Variants in TMEM156 observed in about 807,000 individuals in gnomAD.
TMEM156 encodes the protein transmembrane protein 156.
TMEM156 carries 28 observed loss-of-function variants against 30.5 expected under a neutral mutation model. The observed-to-expected ratio is 0.92, with a 90% CI of 0.68 to 1.26. The LOEUF is 1.26. TMEM156 is among the 50% of genes most tolerant of loss of function. TMEM156 has a pLI of 0.00. For missense variants in TMEM156, 351 were observed against 340.6 expected (o/e 1.03, Z -0.24); for synonymous variants, 137 against 119.9 (o/e 1.14, Z -0.93).
intron 5 of TMEM156, among the ~76,000 whole-genome samples, chr4:38,979,972 C>G (rs1282228535): frequency 1.3e-5 from 2 of 152,102 alleles, no homozygotes; most frequent in Non-Finnish European, 2.9e-5. Flanking sequence ...TTTCTGTAAG[C>G]CCAAGATAGC....
intron 2 of TMEM156, among the ~76,000 whole-genome samples, chr4:38,998,114 T>A (rs1236964257): frequency 6.6e-6 from 1 of 152,180 alleles, no homozygotes; most frequent in Admixed American, 6.5e-5. Flanking sequence ...TGAATTACAG[T>A]GGCATTTTGA....
intron 3 of TMEM156, among the ~76,000 whole-genome samples, chr4:38,993,356 G>T (rs914748657): frequency 6.6e-6 from 1 of 151,922 alleles, no homozygotes; most frequent in African/African-American, 2.4e-5. Context: ...ACCTGAGCCC[G>T]GGGAAGTCAA....
In TMEM156 at chr4:38,998,902, T is replaced by A; in HGVS notation, c.96A>T (p.Thr32=). Residue 32 remains threonine, a synonymous_variant, in exon 2 of 7, where the codon ACA becomes ACT. Transcript: ENST00000381938. ...ACACTTCCAGACATGATAGCTCCAA[T>A]GTTCTTTCTGTAAAGAAAAAAGAAA... ...PEYFKTPKER[T]LELSCLEVCL... 1 of 1,597,736 alleles carries A rather than the reference T, an allele frequency of 6.3e-7. No individual in the cohort carries two copies. The highest frequency in any genetic ancestry group is 2.2e-5 in the East Asian group (1 of 44,686).
At chr4:39,003,492 G>A (rs935795671) in intron 1 of TMEM156, among the ~76,000 whole-genome samples, 4 of 151,896 alleles carry the variant, frequency 2.6e-5, no homozygotes, top group Admixed American at 6.6e-5. Flanking sequence ...GCACCACCAC[G>A]CCCGGCTGAT....
intron 1 of TMEM156, among the ~76,000 whole-genome samples, chr4:39,015,578 G>T (rs760720667): frequency 6.6e-6 from 1 of 152,148 alleles, no homozygotes; most frequent in South Asian, 2.1e-4. Context: ...ATTTTAGCCC[G>T]GGGATACCTC....
At chr4:38,994,689 T>G (rs1712797403) in intron 2 of TMEM156, among the ~76,000 whole-genome samples, 1 of 152,194 alleles carries the variant, frequency 6.6e-6, no homozygotes, top group African/African-American at 2.4e-5. Flanking sequence ...CGATCCTGCC[T>G]GTAATCCTAG....
At chr4:39,021,558 A>G (rs1714869838) in intron 1 of TMEM156, among the ~76,000 whole-genome samples, 1 of 152,090 alleles carries the variant, frequency 6.6e-6, no homozygotes, top group African/African-American at 2.4e-5. Context: ...TTAAACCCTT[A>G]TATATATGGT....
intron 1 of TMEM156, among the ~76,000 whole-genome samples, chr4:39,023,581 G>A (rs570109898): frequency 1.3e-5 from 2 of 152,212 alleles, no homozygotes; most frequent in African/African-American, 4.8e-5. Context: ...GGTGGCTCAC[G>A]CCTGTAATCC....
chr4:38,975,662 C>A (rs1305529611), intron 5 of TMEM156, among the ~76,000 whole-genome samples: 1 of 152,102 alleles, frequency 6.6e-6, no homozygotes, highest in Admixed American at 6.5e-5. Flanking sequence ...CAGGCATGAG[C>A]CACTGCGCCT....
intron 1 of TMEM156, among the ~76,000 whole-genome samples, chr4:39,006,819 T>C (rs1713771257): frequency 6.6e-6 from 1 of 152,106 alleles, no homozygotes. Context: ...AGTGCGTGTC[T>C]GTGGTCCCAG....
intron 1 of TMEM156, among the ~76,000 whole-genome samples, chr4:39,017,353 T>C (rs1301584051): frequency 6.6e-6 from 1 of 150,538 alleles, no homozygotes; most frequent in Non-Finnish European, 1.5e-5. Context: ...TTTTTTTGTA[T>C]TTTTTTTAGT....
intron 1 of TMEM156, among the ~76,000 whole-genome samples, chr4:39,000,338 A>G (rs55971054): frequency 0.27 from 41,610 of 151,980 alleles, 6,271 homozygotes; most frequent in East Asian, 0.46. Context: ...GCTGCAGTGA[A>G]CCATGATCAC....
intron 1 of TMEM156, among the ~76,000 whole-genome samples, chr4:39,005,253 C>G (rs1713651792): frequency 6.6e-6 from 1 of 152,186 alleles, no homozygotes; most frequent in African/African-American, 2.4e-5. Context: ...ACCTAAATCT[C>G]ATCTTGAATT....
At chr4:38,989,076 A>G (rs1291749722) in intron 3 of TMEM156, 106 bp from the exon 4 acceptor site, 2 of 1,158,214 alleles carry the variant, frequency 1.7e-6, no homozygotes, top group Non-Finnish European at 2.4e-6. Context: ...CCTGAATTGA[A>G]AAGCTGAAAT....
chr4:38,998,410 GGCA>G (rs1713078700), intron 2 of TMEM156: 1 of 214,940 alleles, frequency 4.7e-6, no homozygotes, highest in Admixed American at 5.6e-5. Context: ...CGGGTGTGGT[GGCA>G]GGCGCCTGTG....
At chr4:38,990,830 G>GTTTTTTTTTTTTTTTTTTTTTTTTTTTTT (rs71304784) in intron 3 of TMEM156, among the ~76,000 whole-genome samples, 14 of 81,228 alleles carry the variant, frequency 1.7e-4, no homozygotes, top group Middle Eastern at 7.2e-3. Context: ...TTGTTTTCTG[G>GTTTTTTTTTTTTTTTTTTTTTTTTTTTTT]TTTTTTTTTT....
chr4:39,022,047 G>A (rs1714903956), intron 1 of TMEM156, among the ~76,000 whole-genome samples: 1 of 152,122 alleles, frequency 6.6e-6, no homozygotes, highest in Non-Finnish European at 1.5e-5. Flanking sequence ...TTTACTTTGG[G>A]AAATTATTTG....
rs34823853 is a variant in TMEM156, at chr4:38,984,349, C to CTGTGTGTG, written c.823+1979_823+1986dup. 9.2e-5 allele frequency among the ~76,000 whole-genome samples: 12 copies of CTGTGTGTG among 131,108 alleles called. No individual in the cohort carries two copies. In the Middle Eastern group the frequency reaches 0.011, roughly 116 times the overall value. 86.0% of individuals were successfully genotyped at this position (131,108 alleles called of 152,430 possible). On this transcript the variant is annotated intron_variant, in intron 5 of 6. Transcript: ENST00000381938. Reference sequence around the variant, plus strand: ...TTTCTCTCTGTCTCTCTCTCTCTCTCTGTGTGTGTGTGTGTGTGTGTGTGT... The same window carrying CTGTGTGTG: ...TTTCTCTCTGTCTCTCTCTCTCTCTCTGTGTGTGTGTGTGTGTGTGTGTGTGTGTGTGT...
At chr4:39,023,465 A>G (rs1325134913) in intron 1 of TMEM156, among the ~76,000 whole-genome samples, 1 of 152,236 alleles carries the variant, frequency 6.6e-6, no homozygotes, top group Non-Finnish European at 1.5e-5. Context: ...GTGTATTTAT[A>G]TGATGGAGTA....
Sources: gnomAD v4.1 joint callset for allele counts (sites outside exome capture counted in the v4.1 genomes callset) on GRCh38, gnomAD v4.1.1 for gene constraint, MANE v1.5 for transcripts, NCBI Gene and HGNC (gene_info 2026-07-23, HGNC 2026-07-21) for gene names.